CACNB4: variants seen among roughly 807,000 people sequenced by gnomAD.
CACNB4 encodes the protein calcium voltage-gated channel auxiliary subunit beta 4, also known as voltage-dependent L-type calcium channel subunit beta-4.
CACNB4 carries 32 observed loss-of-function variants against 71.2 expected under a neutral mutation model. The observed-to-expected ratio is 0.45, with a 90% CI of 0.34 to 0.60. CACNB4 has a LOEUF of 0.60. Ranked by LOEUF, CACNB4 falls within the 20% of genes least tolerant of loss-of-function variation. The pLI, the probability that CACNB4 is intolerant of heterozygous loss-of-function variation, is 0.01. For synonymous variants in CACNB4, 231 were observed against 236.9 expected (o/e 0.97, Z 0.23); for missense variants, 464 against 647.9 (o/e 0.72, Z 3.08).
chr2:151,912,588 T>A (rs571842731), intron 2 of CACNB4, among the ~76,000 whole-genome samples: 1 of 152,366 alleles, frequency 6.6e-6, no homozygotes, highest in South Asian at 2.1e-4. Context: ...CTTCCAATTA[T>A]GTGGTCAATT....
At chr2:152,031,152 C>T (rs1326597318) in intron 2 of CACNB4, among the ~76,000 whole-genome samples, 1 of 152,190 alleles carries the variant, frequency 6.6e-6, no homozygotes, top group Non-Finnish European at 1.5e-5. Context: ...GAATGACCAT[C>T]ATCCTGATGT....
At chr2:151,967,071 A>C (rs1045361394) in intron 2 of CACNB4, 2 of 123,278 alleles carry the variant, frequency 1.6e-5, no homozygotes, top group Admixed American at 1.9e-4. Flanking sequence ...TTTTTGAGAC[A>C]GGGTCTCATT....
intron 2 of CACNB4, among the ~76,000 whole-genome samples, chr2:151,991,519 G>A (rs1355604845): frequency 6.6e-6 from 1 of 152,166 alleles, no homozygotes; most frequent in Non-Finnish European, 1.5e-5. Context: ...TGAACTGGGA[G>A]TAGCCATTAG....
chr2:152,044,479 A>G (rs1380089647), intron 2 of CACNB4, among the ~76,000 whole-genome samples: 1 of 152,156 alleles, frequency 6.6e-6, no homozygotes, highest in African/African-American at 2.4e-5. Context: ...CAGCCTCCCA[A>G]AGTGCTGGGA....
chr2:151,869,199 G>C lies in CACNB4; in HGVS notation c.736C>G (p.Leu246Val). 3 of 1,570,488 alleles carry C rather than the reference G, an allele frequency of 1.9e-6. No homozygotes were observed. Among genetic ancestry groups the C allele is most frequent in the Non-Finnish European group, 2.6e-6 (3 of 1,154,446 alleles). The change falls in exon 9 of 14, where the codon CTG becomes GTG. Residue 246 changes from leucine to valine, a missense_variant. This residue lies in a region of CACNB4 where 299 missense variants were observed against 471.7 expected (regional missense o/e 0.63). Transcript: ENST00000539935. Reference protein sequence around the residue: ...DMMQKALFDFLKHRFDGRISI... With the variant: ...DMMQKALFDFVKHRFDGRISI... ...CACCTCCCATCAAACCTGTGCTTCAGGAAATCAAAGAGGGCTTTCTGCATC... is the reference window on the plus strand; with the variant it reads ...CACCTCCCATCAAACCTGTGCTTCACGAAATCAAAGAGGGCTTTCTGCATC...
intron 7 of CACNB4, 42 bp downstream of exon 7, chr2:151,870,800 T>C (rs1479033720): frequency 5.2e-6 from 8 of 1,538,164 alleles, no homozygotes; most frequent in Middle Eastern, 1.7e-4. Flanking sequence ...CATGTATATA[T>C]AGGAACCTTA....
At chr2:151,878,582 G>C (rs1017159578) in intron 4 of CACNB4, among the ~76,000 whole-genome samples, 1 of 10,184 alleles carries the variant, frequency 9.8e-5, no homozygotes. Context: ...CACACACACA[G>C]TTAGCTGGGT....
intron 2 of CACNB4, among the ~76,000 whole-genome samples, chr2:151,920,286 C>A (rs1188964393): frequency 1.3e-5 from 2 of 148,186 alleles, no homozygotes; most frequent in Non-Finnish European, 3.0e-5. Flanking sequence ...TTTTACTTTA[C>A]CAGTCTAGAG....
At chr2:151,938,295 A>C (rs2099863429) in intron 2 of CACNB4, among the ~76,000 whole-genome samples, 1 of 152,250 alleles carries the variant, frequency 6.6e-6, no homozygotes, top group Admixed American at 6.5e-5. Context: ...AACTCTGTCC[A>C]GCAGACATGG....
chr2:152,088,140 A>ACACACAC (rs1687760808), intron 2 of CACNB4, among the ~76,000 whole-genome samples: 1 of 136,938 alleles, frequency 7.3e-6, no homozygotes, highest in African/African-American at 2.9e-5. Context: ...TTCCCCACTT[A>ACACACAC]ACACACACAC....
At chr2:151,999,129 A>T (rs536632566) in intron 2 of CACNB4, among the ~76,000 whole-genome samples, 1 of 152,146 alleles carries the variant, frequency 6.6e-6, no homozygotes, top group Non-Finnish European at 1.5e-5. Flanking sequence ...TTAATTAATT[A>T]TCCAGACAAT....
chr2:152,052,347 C>T (rs1400616972), intron 2 of CACNB4, among the ~76,000 whole-genome samples: 1 of 152,220 alleles, frequency 6.6e-6, no homozygotes, highest in Non-Finnish European at 1.5e-5. Context: ...GTCGCCTAGG[C>T]TGGAGTACAG....
chr2:152,011,137 G>C (rs1054463536), intron 2 of CACNB4, among the ~76,000 whole-genome samples: 6 of 152,172 alleles, frequency 3.9e-5, no homozygotes, highest in African/African-American at 1.2e-4. Flanking sequence ...TGTCTCATGA[G>C]GTAGCAAGGT....
chr2:152,035,630 C>CCTCTCTCTCT (rs369495604), intron 2 of CACNB4, among the ~76,000 whole-genome samples: 11,985 of 92,990 alleles, frequency 0.13, 882 homozygotes, highest in Middle Eastern at 0.27. Context: ...CCTCCCTCTC[C>CCTCTCTCTCT]CTCTCTCTCT....
chr2:151,909,821 G>A (rs1298817609), intron 2 of CACNB4, among the ~76,000 whole-genome samples: 1 of 152,046 alleles, frequency 6.6e-6, no homozygotes, highest in African/African-American at 2.4e-5. Context: ...TGGGCATTTG[G>A]GTTGGTTCCA....
chr2:151,857,952 G>A (rs2099840700), intron 10 of CACNB4: 1 of 152,274 alleles, frequency 6.6e-6, no homozygotes, highest in South Asian at 2.1e-4. Flanking sequence ...CAAGCCAGCA[G>A]GGATGCTGGA....
intron 2 of CACNB4, among the ~76,000 whole-genome samples, chr2:151,944,004 G>A (rs78803131): frequency 0.012 from 1,861 of 151,468 alleles, 20 homozygotes; most frequent in Non-Finnish European, 0.02. Flanking sequence ...ACTGATTATC[G>A]GATACAGGAT....
chr2:152,062,681 C>A (rs1686086288), intron 2 of CACNB4, among the ~76,000 whole-genome samples: 1 of 152,148 alleles, frequency 6.6e-6, no homozygotes, highest in African/African-American at 2.4e-5. Context: ...AGCTTTGGAG[C>A]AGCTCCTGGC....
chr2:152,011,536 C>G (rs952691035), intron 2 of CACNB4, among the ~76,000 whole-genome samples: 2 of 152,206 alleles, frequency 1.3e-5, no homozygotes, highest in African/African-American at 4.8e-5. Flanking sequence ...GTCCCAGTAG[C>G]AACATACCTG....
Sources: allele counts gnomAD v4.1 joint callset (sites outside exome capture counted in the v4.1 genomes callset), GRCh38; gene constraint gnomAD v4.1.1; regional missense constraint gnomAD v4.1.1; transcripts MANE v1.5; gene names NCBI Gene and HGNC (gene_info 2026-07-23, HGNC 2026-07-21).